KIAA1549: variants seen among roughly 807,000 people sequenced by gnomAD.
KIAA1549 encodes the protein UPF0606 protein KIAA1549.
In KIAA1549, 70 loss-of-function variants were observed where a neutral mutation model predicts 156.4. That is an observed-to-expected ratio of 0.45 (90% CI 0.37 to 0.55). The LOEUF is 0.55. KIAA1549 is among the 20% of genes least tolerant of loss of function. KIAA1549 has a pLI of 0.00. For missense variants in KIAA1549, 2,428 were observed against 2,540.9 expected, an observed-to-expected ratio of 0.96 and a Z score of 0.96; for synonymous variants, 1,103 against 1,066.4, an observed-to-expected ratio of 1.03 and a Z score of -0.67.
chr7:138,920,165 G>GC (rs1812523765), intron 1 of KIAA1549, among the ~76,000 whole-genome samples: 1 of 145,238 alleles, frequency 6.9e-6, no homozygotes, highest in Non-Finnish European at 1.5e-5. Context: ...CGCCTGGAAT[G>GC]CCCTTCCCAG....
chr7:138,931,190 C>T (rs572179619), intron 1 of KIAA1549, among the ~76,000 whole-genome samples: 17 of 152,138 alleles, frequency 1.1e-4, no homozygotes, highest in Non-Finnish European at 2.1e-4. Context: ...TGACTGATCA[C>T]AGATCACCAT....
Position 138,886,018 on chromosome 7 carries a change from C to CA in KIAA1549, c.4033-4435_4033-4434insT, listed in dbSNP as rs879290009. Among the ~76,000 whole-genome samples, 295 of 144,750 alleles carry CA rather than the reference C, an allele frequency of 2.0e-3. 2 individuals carry two copies. Among genetic ancestry groups the CA allele is most frequent in the African/African-American group, 7.0e-3 (283 of 40,474 alleles). 95.0% of individuals were successfully genotyped at this position (144,750 alleles called of 152,430 possible). ...ACTGCTGCTTGGTGTGTGAGGAAAG[C>CA]CCCCCCCCAAATTCGGTCACAGAAG... On this transcript the variant is annotated intron_variant, in intron 10 of 19. Coordinates refer to ENST00000422774, the MANE Select transcript of KIAA1549 (RefSeq NM_001164665.2).
intron 10 of KIAA1549, among the ~76,000 whole-genome samples, chr7:138,893,421 T>C (rs1057151933): frequency 6.6e-6 from 1 of 152,072 alleles, no homozygotes; most frequent in African/African-American, 2.4e-5. Context: ...TGCATTCAGG[T>C]AGCTTTGCTC....
chr7:138,832,623 T>C lies in KIAA1549; in HGVS notation c.*5283A>G, dbSNP rs1207414142. 1 of 212,768 alleles carries C rather than the reference T, an allele frequency of 4.7e-6. No individual in the cohort carries two copies. Among genetic ancestry groups the C allele is most frequent in the Non-Finnish European group, 9.5e-6 (1 of 105,322 alleles). 13.2% of individuals were successfully genotyped at this position (212,768 alleles called of 1,614,324 possible). A position where few individuals can be genotyped will look rare whatever the true frequency, so the allele number is the denominator to read the frequency against. On this transcript the variant is annotated 3_prime_UTR_variant, in exon 20 of 20. Transcript: ENST00000422774. ...ATTTTAACTATACTGCATTAAGACA[T>C]TCATTGCTTCTGTCACTTTCTTACT... is the stretch of plus-strand genomic sequence containing the variant.
At position 138,832,932 on chromosome 7, in the gene KIAA1549, T is replaced by C. The variant is rs988641231; in HGVS notation, c.*4974A>G. ...TTAAGTCTATCATAGTTGATGAGTA[T>C]GTTACAGCAGCTGCTCATAGAAACC... is the stretch of plus-strand genomic sequence containing the variant. On this transcript the variant is annotated 3_prime_UTR_variant, in exon 20 of 20. Coordinates refer to ENST00000422774, the MANE Select transcript of KIAA1549 (RefSeq NM_001164665.2). The C allele has an allele frequency of 1.3e-5, 3 of 230,868 alleles. No homozygotes were observed. The highest frequency in any genetic ancestry group is 2.6e-5 in the Non-Finnish European group (3 of 116,696). 14.3% of individuals were successfully genotyped at this position (230,868 alleles called of 1,614,324 possible). A position where few individuals can be genotyped will look rare whatever the true frequency, so the allele number is the denominator to read the frequency against.
At chr7:138,875,282 C>T (rs2130393188) in intron 12 of KIAA1549, among the ~76,000 whole-genome samples, 1 of 151,210 alleles carries the variant, frequency 6.6e-6, no homozygotes, top group Non-Finnish European at 1.5e-5. Context: ...GCAAAAAACA[C>T]ATCATGTTGT....
Position 138,905,035 on chromosome 7 carries a change from A to T in KIAA1549, c.3507T>A (p.Ser1169=). 6.4e-7 allele frequency: 1 copy of T among 1,574,188 alleles called. No individual in the cohort carries two copies. Among genetic ancestry groups the T allele is most frequent in the African/African-American group, 1.3e-5 (1 of 74,238 alleles). ...AGTTAAACATACCTGTTCTGACCCAAGAGGACTTCAGCAACTGAGATAAGT... is the reference window on the plus strand; with the variant it reads ...AGTTAAACATACCTGTTCTGACCCATGAGGACTTCAGCAACTGAGATAAGT... ...QLNLSQLLKS[S]WVRTVLLGVM... is the part of the protein sequence containing the mutation. The change falls in exon 7 of 20, where the codon TCT becomes TCA. Residue 1169 remains serine, a synonymous_variant. Transcript: ENST00000422774.
intron 1 of KIAA1549, among the ~76,000 whole-genome samples, chr7:138,953,533 C>A (rs771322291): frequency 6.6e-6 from 1 of 151,798 alleles, no homozygotes; most frequent in African/African-American, 2.4e-5. Context: ...CACAAAAAAG[C>A]GTAAATCTAC....
intron 6 of KIAA1549, among the ~76,000 whole-genome samples, chr7:138,906,287 C>G (rs561647203): frequency 2.2e-4 from 34 of 152,304 alleles, no homozygotes; most frequent in African/African-American, 7.9e-4. Context: ...ACAGAATGCA[C>G]GACACCCAGG....
intron 9 of KIAA1549, among the ~76,000 whole-genome samples, chr7:138,894,915 GA>G (rs1811642134): frequency 6.6e-6 from 1 of 152,164 alleles, no homozygotes; most frequent in Non-Finnish European, 1.5e-5. Flanking sequence ...AAAGTGGAGA[GA>G]AAAACAGCTG....
intron 1 of KIAA1549, among the ~76,000 whole-genome samples, chr7:138,941,895 T>TA (rs1355261329): frequency 6.7e-6 from 1 of 149,962 alleles, no homozygotes; most frequent in African/African-American, 2.4e-5. Flanking sequence ...AAGGAAATCT[T>TA]AAAAAACGTT....
In KIAA1549 at chr7:138,871,291, A is replaced by T. The variant is rs760318194; in HGVS notation, c.4417T>A (p.Ser1473Thr). Residue 1473 changes from serine (S) to threonine (T), a missense_variant, in exon 13 of 20, where the codon TCC (serine) becomes ACC (threonine). Ser to Thr is a moderately conservative substitution (Grantham distance 58). This residue lies in a region of KIAA1549 where 404 missense variants were observed against 417.0 expected (regional missense o/e 0.97). Transcript: ENST00000422774. ...ASIFEHVDRI[S>T]RPPEASRRVP... ...CGCCGGCTAGCCTCCGGGGGGCGGG[A>T]GATCCTGTCCACGTGCTCGAAGATG... is the stretch of plus-strand genomic sequence containing the variant. 7 of 1,609,632 alleles carry T rather than the reference A, an allele frequency of 4.3e-6. No homozygotes were observed. The East Asian group carries it at 1.6e-4, about 36-fold the overall frequency.
chr7:138,905,334 C>G (rs1404712215), intron 6 of KIAA1549, among the ~76,000 whole-genome samples: 4 of 152,224 alleles, frequency 2.6e-5, no homozygotes, highest in Non-Finnish European at 5.9e-5. Context: ...AGGTCACCGG[C>G]AAGTTCTCCT....
intron 9 of KIAA1549, among the ~76,000 whole-genome samples, chr7:138,897,533 C>T (rs1433378626): frequency 6.6e-6 from 1 of 152,094 alleles, no homozygotes; most frequent in Non-Finnish European, 1.5e-5. Context: ...TTTACCTCTC[C>T]TTTTATTGCT....
chr7:138,851,506 A>C (rs1401918269), intron 17 of KIAA1549, among the ~76,000 whole-genome samples: 1 of 138,122 alleles, frequency 7.2e-6, no homozygotes, highest in Admixed American at 7.7e-5. Context: ...TCTATTGTCT[A>C]TTTCTTTCTA....
At chr7:138,880,079 C>T (rs1391033753) in intron 11 of KIAA1549, among the ~76,000 whole-genome samples, 1 of 152,144 alleles carries the variant, frequency 6.6e-6, no homozygotes, top group Non-Finnish European at 1.5e-5. Context: ...TGCAGTCACC[C>T]CAAATAACTC....
chr7:138,905,955 C>T (rs2130456066), intron 6 of KIAA1549, among the ~76,000 whole-genome samples: 1 of 152,348 alleles, frequency 6.6e-6, no homozygotes, highest in East Asian at 1.9e-4. Flanking sequence ...ACACTGCCTT[C>T]TGCTACCCTT....
chr7:138,954,381 G>A (rs1175572485), intron 1 of KIAA1549, among the ~76,000 whole-genome samples: 1 of 152,158 alleles, frequency 6.6e-6, no homozygotes, highest in African/African-American at 2.4e-5. Context: ...CATTCCTGCA[G>A]GGACAGGATG....
intron 2 of KIAA1549, among the ~76,000 whole-genome samples, chr7:138,915,898 G>A (rs921463345): frequency 1.3e-5 from 2 of 152,214 alleles, no homozygotes; most frequent in African/African-American, 4.8e-5. Context: ...CGCGGGACAT[G>A]ACCCTTGAAA....
Sources: allele counts gnomAD v4.1 joint callset (sites outside exome capture counted in the v4.1 genomes callset), GRCh38; gene constraint gnomAD v4.1.1; regional missense constraint gnomAD v4.1.1; transcripts MANE v1.5; gene names NCBI Gene and HGNC (gene_info 2026-07-23, HGNC 2026-07-21).